Variants in MSRA observed in about 807,000 individuals in gnomAD.
MSRA encodes the protein methionine sulfoxide reductase A.
In MSRA, 54 loss-of-function variants were observed where a neutral mutation model predicts 31.3. The ratio of observed to expected loss-of-function variants is 1.73; its 90% confidence interval spans 1.39 to 2.17. MSRA has a LOEUF of 2.17. Among genes scored for constraint, MSRA ranks in the 30% most tolerant of loss-of-function variants. The pLI, the probability that MSRA is intolerant of heterozygous loss-of-function variation, is 0.00. For synonymous variants in MSRA, 169 were observed against 116.5 expected, an observed-to-expected ratio of 1.45 and a Z score of -2.90; for missense variants, 507 against 300.9, an observed-to-expected ratio of 1.69 and a Z score of -5.07.
intron 3 of MSRA, among the ~76,000 whole-genome samples, chr8:10,268,681 G>C (rs1038011227): frequency 3.9e-5 from 6 of 152,248 alleles, no homozygotes; most frequent in Non-Finnish European, 8.8e-5. Flanking sequence ...TTTCTGAAGA[G>C]GGGAACGAGT....
chr8:10,218,234 C>T (rs996426724), intron 2 of MSRA, among the ~76,000 whole-genome samples: 22 of 151,834 alleles, frequency 1.4e-4, no homozygotes, highest in Admixed American at 1.1e-3. Context: ...GCAACCTCTG[C>T]CTCCCAGGTT....
At chr8:10,124,641 T>G (rs1801371031) in intron 1 of MSRA, among the ~76,000 whole-genome samples, 1 of 152,338 alleles carries the variant, frequency 6.6e-6, no homozygotes, top group Admixed American at 6.5e-5. Flanking sequence ...TAGCTAAAAT[T>G]ATTTTCATCA....
At chr8:10,399,324 C>G (rs534677487) in intron 5 of MSRA, among the ~76,000 whole-genome samples, 223 of 152,272 alleles carry the variant, frequency 1.5e-3, no homozygotes, top group African/African-American at 5.0e-3. Context: ...TTTGTCTCCT[C>G]CAAAACTCAT....
intron 4 of MSRA, among the ~76,000 whole-genome samples, chr8:10,307,129 C>G (rs1801181226): frequency 6.6e-6 from 1 of 151,462 alleles, no homozygotes; most frequent in African/African-American, 2.4e-5. Context: ...CTAGAGGAAT[C>G]CAAGCTTCCT....
In MSRA at chr8:10,155,002, TTA is replaced by T. The variant is rs528753270; in HGVS notation, c.143-52820_143-52819del. ...AATAGTTTGATAATGTGTATATATT[TTA>T]TATATATATAGGTTTTACCTTGCAT... On this transcript the variant is annotated intron_variant, in intron 1 of 5. Transcript: ENST00000317173. Among the ~76,000 whole-genome samples the T allele has an allele frequency of 2.4e-5, 3 of 123,894 alleles. 1 individual carries two copies. The highest frequency in any genetic ancestry group is 9.7e-5 in the African/African-American group (3 of 30,854). 81.3% of individuals were successfully genotyped at this position (123,894 alleles called of 152,430 possible). A position where few individuals can be genotyped will look rare whatever the true frequency, so the allele number is the denominator to read the frequency against.
chr8:10,422,700 T>A (rs7819609), intron 5 of MSRA, among the ~76,000 whole-genome samples: 145,665 of 152,260 alleles, frequency 0.96, 70,030 homozygotes, highest in East Asian at 1. Flanking sequence ...TGGAACGTGG[T>A]AGGGGCATGT....
At chr8:10,425,459 G>A (rs912208099) in intron 5 of MSRA, among the ~76,000 whole-genome samples, 2 of 152,248 alleles carry the variant, frequency 1.3e-5, no homozygotes, top group African/African-American at 2.4e-5. Flanking sequence ...AGGAGGGGAG[G>A]TGGGCAGTGG....
At chr8:10,247,155 G>A (rs1015674980) in intron 3 of MSRA, among the ~76,000 whole-genome samples, 3 of 152,198 alleles carry the variant, frequency 2.0e-5, no homozygotes, top group African/African-American at 7.2e-5. Flanking sequence ...TTAAACTCAT[G>A]CTATATGCCA....
intron 1 of MSRA, among the ~76,000 whole-genome samples, chr8:10,089,597 A>T (rs1013956571): frequency 6.6e-6 from 1 of 152,216 alleles, no homozygotes; most frequent in Non-Finnish European, 1.5e-5. Flanking sequence ...TTGTGTTGCT[A>T]TAAAGGAATA....
At chr8:10,158,909 T>C (rs980092191) in intron 1 of MSRA, among the ~76,000 whole-genome samples, 13 of 152,340 alleles carry the variant, frequency 8.5e-5, no homozygotes, top group African/African-American at 3.1e-4. Context: ...TGTTTTTGAT[T>C]ATAGCCACTC....
chr8:10,277,752 A>G (rs1014233329), intron 3 of MSRA, among the ~76,000 whole-genome samples: 3 of 152,288 alleles, frequency 2.0e-5, no homozygotes, highest in Middle Eastern at 3.4e-3. Context: ...ATTAGCTTAT[A>G]ATTTTTTGTA....
At chr8:10,172,353 G>T (rs1275393274) in intron 1 of MSRA, among the ~76,000 whole-genome samples, 1 of 152,144 alleles carries the variant, frequency 6.6e-6, no homozygotes, top group Non-Finnish European at 1.5e-5. Flanking sequence ...GAAAAGATGG[G>T]ACTGGTAGGA....
chr8:10,207,551 G>C (rs1809106497), intron 1 of MSRA, among the ~76,000 whole-genome samples: 1 of 152,160 alleles, frequency 6.6e-6, no homozygotes, highest in Non-Finnish European at 1.5e-5. Context: ...GGTGTCGGGA[G>C]CCTTCAGGCC....
chr8:10,270,714 G>T (rs1477063429), intron 3 of MSRA, among the ~76,000 whole-genome samples: 1 of 152,204 alleles, frequency 6.6e-6, no homozygotes, highest in Non-Finnish European at 1.5e-5. Context: ...CATTCATAAC[G>T]AGTATTGACA....
intron 1 of MSRA, among the ~76,000 whole-genome samples, chr8:10,129,298 C>A (rs1801729151): frequency 6.6e-6 from 1 of 152,116 alleles, no homozygotes; most frequent in East Asian, 1.9e-4. Context: ...TAAAGAGAAA[C>A]AAACTCGGGC....
chr8:10,314,019 G>A (rs1801580463), intron 4 of MSRA, among the ~76,000 whole-genome samples: 1 of 152,170 alleles, frequency 6.6e-6, no homozygotes, highest in Non-Finnish European at 1.5e-5. Flanking sequence ...CAAGTAGATT[G>A]AATACATAAA....
At chr8:10,335,250 G>GTTTTTTTTTTTTTTTTTTTTTT (rs1170264568) in intron 5 of MSRA, among the ~76,000 whole-genome samples, 2 of 79,886 alleles carry the variant, frequency 2.5e-5, no homozygotes, top group Non-Finnish European at 4.4e-5. Flanking sequence ...TCCCAGCTCT[G>GTTTTTTTTTTTTTTTTTTTTTT]TTTTTTTTTT....
intron 5 of MSRA, chr8:10,337,754 G>C: frequency 1.4e-6 from 1 of 702,666 alleles, no homozygotes; most frequent in South Asian, 1.5e-5. Context: ...GCTCACTGCA[G>C]CCTCCTCTGC....
chr8:10,327,492 G>C (rs1362223216), intron 5 of MSRA, among the ~76,000 whole-genome samples: 2 of 152,174 alleles, frequency 1.3e-5, no homozygotes, highest in Non-Finnish European at 2.9e-5. Flanking sequence ...GTTCAGTTTT[G>C]ATTATTTAAT....
Sources: gnomAD v4.1 joint callset for allele counts (sites outside exome capture counted in the v4.1 genomes callset) on GRCh38, gnomAD v4.1.1 for gene constraint, MANE v1.5 for transcripts, NCBI Gene and HGNC (gene_info 2026-07-23, HGNC 2026-07-21) for gene names.